The following HLCS variants were observed in gnomAD, a reference collection of about 807,000 sequenced individuals.
The protein encoded by HLCS is biotin--protein ligase.
HLCS carries 53 observed loss-of-function variants against 75.0 expected under a neutral mutation model. The ratio of observed to expected loss-of-function variants is 0.71; its 90% CI spans 0.57 to 0.89. The LOEUF is 0.89. Ranked by LOEUF, HLCS falls within the 40% of genes least tolerant of loss-of-function variation. The pLI is 0.00. For synonymous variants in HLCS, 431 were observed against 428.6 expected, an observed-to-expected ratio of 1.01 and a Z score of -0.07; for missense variants, 966 against 1,074.0, an observed-to-expected ratio of 0.90 and a Z score of 1.41.
At chr21:36,933,603 C>A (rs2066746879) in intron 4 of HLCS, among the ~76,000 whole-genome samples, 1 of 150,936 alleles carries the variant, frequency 6.6e-6, no homozygotes, top group South Asian at 2.1e-4. Flanking sequence ...GCACTTCTAC[C>A]CTAAATGTGT....
Position 36,804,785 on chromosome 21 carries a change from C to T in HLCS, c.1893-37500G>A, listed in dbSNP as rs533102155. ...ATGGCGTTTCTAAAACGGTATAAAA[C>T]ATCTACCAACAACATCAGGTTTTTG... On this transcript the variant is annotated intron_variant, in intron 6 of 10. Transcript: ENST00000674895. Among the ~76,000 whole-genome samples, 7 of 152,232 alleles carry T rather than the reference C, an allele frequency of 4.6e-5. No individual in the cohort carries two copies. In the South Asian group the frequency reaches 1.5e-3, roughly 32 times the overall value.
rs543798703 is a variant in HLCS, at chr21:36,851,283, T to C, written c.1892+45577A>G. 2.0e-5 allele frequency among the ~76,000 whole-genome samples: 3 copies of C among 152,226 alleles called. No homozygotes were observed. The East Asian group carries it at 5.8e-4, about 29-fold the overall frequency. On this transcript the variant is annotated intron_variant, in intron 6 of 10. Coordinates refer to ENST00000674895, the MANE Select transcript of HLCS (RefSeq NM_001352514.2). ...CCAAGACCTGGGAGCAACCTAAGCG[T>C]CCATCAACAGATGACTGGACAAAGA...
intron 6 of HLCS, among the ~76,000 whole-genome samples, chr21:36,783,677 T>C (rs2060599420): frequency 6.6e-6 from 1 of 152,178 alleles, no homozygotes; most frequent in Non-Finnish European, 1.5e-5. Flanking sequence ...TCCCTGTTGG[T>C]GTTCTGTCTC....
At chr21:36,929,714 G>C (rs908926755) in intron 5 of HLCS, among the ~76,000 whole-genome samples, 1 of 152,232 alleles carries the variant, frequency 6.6e-6, no homozygotes, top group Non-Finnish European at 1.5e-5. Context: ...CCTACACCTG[G>C]AGAATCTGGC....
intron 5 of HLCS, among the ~76,000 whole-genome samples, chr21:36,921,795 C>T (rs759991389): frequency 1.2e-4 from 19 of 152,160 alleles, no homozygotes; most frequent in Non-Finnish European, 2.4e-4. Flanking sequence ...GAGACACAAA[C>T]ACCTACACAA....
intron 6 of HLCS, among the ~76,000 whole-genome samples, chr21:36,860,279 G>A (rs900375478): frequency 6.6e-5 from 10 of 152,062 alleles, no homozygotes; most frequent in African/African-American, 7.2e-5. Flanking sequence ...AGTTAGTGGC[G>A]GGGCGGGACT....
intron 6 of HLCS, among the ~76,000 whole-genome samples, chr21:36,886,258 C>A (rs1461525048): frequency 6.6e-6 from 1 of 151,484 alleles, no homozygotes; most frequent in African/African-American, 2.4e-5. Flanking sequence ...GGTGAAACCC[C>A]GTCTCTACTA....
At chr21:36,927,215 C>A (rs2066446998) in intron 5 of HLCS, among the ~76,000 whole-genome samples, 1 of 152,230 alleles carries the variant, frequency 6.6e-6, no homozygotes, top group Admixed American at 6.5e-5. Context: ...CCGCCCACAG[C>A]CTGCATCTCA....
chr21:36,847,190 G>A (rs1182088304), intron 6 of HLCS, among the ~76,000 whole-genome samples: 1 of 152,168 alleles, frequency 6.6e-6, no homozygotes, highest in Non-Finnish European at 1.5e-5. Flanking sequence ...AGATGGGCAA[G>A]ACGACCTGGC....
intron 6 of HLCS, among the ~76,000 whole-genome samples, chr21:36,823,059 T>C (rs762141336): frequency 5.3e-5 from 8 of 152,228 alleles, no homozygotes; most frequent in Admixed American, 1.3e-4. Flanking sequence ...AATACAACAA[T>C]GACTAATAGC....
intron 1 of HLCS, among the ~76,000 whole-genome samples, chr21:36,983,053 A>G (rs994514314): frequency 2.0e-5 from 3 of 152,084 alleles, no homozygotes; most frequent in Non-Finnish European, 1.5e-5. Flanking sequence ...ACAAAAACAA[A>G]AACAAAAAAA....
rs1466653720 is a variant in HLCS, at chr21:36,877,873, T to C, written c.1892+18987A>G. Among the ~76,000 whole-genome samples, 3 of 152,188 alleles carry C rather than the reference T, an allele frequency of 2.0e-5. 1 individual carries two copies. In the East Asian group the frequency reaches 5.8e-4, roughly 29 times the overall value. ...GGAATTCTGGGTTGACAAGTTTATC[T>C]TCCTTGAGCCCTCTAAAAATATTGT... On this transcript the variant is annotated intron_variant, in intron 6 of 10. Transcript: ENST00000674895.
Position 36,844,083 on chromosome 21 carries a change from C to G in HLCS, c.1892+52777G>C, listed in dbSNP as rs2062711644. On this transcript the variant is annotated intron_variant, in intron 6 of 10. Transcript: ENST00000674895. Reference sequence around the variant, plus strand: ...AAATAGTTTCTTCTCAAAGTAAACACATGCTCATATGAGAATATTTCAGTC... The same window carrying G: ...AAATAGTTTCTTCTCAAAGTAAACAGATGCTCATATGAGAATATTTCAGTC... Among the ~76,000 whole-genome samples the G allele has an allele frequency of 3.9e-5, 6 of 152,204 alleles. No homozygotes were observed. In the South Asian group the frequency reaches 1.2e-3, roughly 32 times the overall value.
intron 6 of HLCS, among the ~76,000 whole-genome samples, chr21:36,894,055 G>A (rs1400446218): frequency 6.6e-6 from 1 of 152,174 alleles, no homozygotes; most frequent in Non-Finnish European, 1.5e-5. Flanking sequence ...TGATCGTAGA[G>A]GTGGATATTC....
chr21:36,892,294 T>C (rs1270322071), intron 6 of HLCS, among the ~76,000 whole-genome samples: 1 of 152,184 alleles, frequency 6.6e-6, no homozygotes, highest in Non-Finnish European at 1.5e-5. Context: ...GGCAAAGCCA[T>C]GACTCCAAAA....
intron 5 of HLCS, among the ~76,000 whole-genome samples, chr21:36,911,986 G>A (rs1024328265): frequency 6.0e-5 from 9 of 150,370 alleles, no homozygotes; most frequent in South Asian, 2.1e-4. Flanking sequence ...CAGAAGAATC[G>A]CTTGAACCCA....
chr21:36,950,493 G>A (rs950264635), intron 2 of HLCS, among the ~76,000 whole-genome samples: 1 of 151,718 alleles, frequency 6.6e-6, no homozygotes, highest in Admixed American at 6.6e-5. Context: ...GGAAGACAGG[G>A]TCTCACAGCT....
chr21:36,811,495 C>T (rs1342711951), intron 6 of HLCS, among the ~76,000 whole-genome samples: 1 of 152,200 alleles, frequency 6.6e-6, no homozygotes. Flanking sequence ...GGGAGTTCGA[C>T]CACTGCCTGT....
chr21:36,977,892 G>A (rs112258189), intron 1 of HLCS, among the ~76,000 whole-genome samples: 4 of 152,338 alleles, frequency 2.6e-5, no homozygotes, highest in African/African-American at 9.6e-5. Flanking sequence ...GCCCACCTGG[G>A]CAGAGTGAAC....
Sources: gnomAD v4.1 joint callset for allele counts (sites outside exome capture counted in the v4.1 genomes callset) on GRCh38, gnomAD v4.1.1 for gene constraint, MANE v1.5 for transcripts, NCBI Gene and HGNC (gene_info 2026-07-23, HGNC 2026-07-21) for gene names.